The following GABRG3 variants were observed in gnomAD, a reference collection of about 807,000 sequenced individuals.
GABRG3 encodes gamma-aminobutyric acid receptor subunit gamma-3.
GABRG3 carries 25 observed loss-of-function variants against 48.8 expected under a neutral mutation model. The ratio of observed to expected loss-of-function variants is 0.51; its 90% CI spans 0.37 to 0.72. The LOEUF is 0.72. Among genes scored for constraint, GABRG3 ranks in the 30% least tolerant of loss-of-function variants. The probability of loss-of-function intolerance (pLI) is 0.00; values close to 1 mark genes in which losing one functional copy is unlikely to be tolerated. For synonymous variants in GABRG3, 227 were observed against 217.6 expected, an observed-to-expected ratio of 1.04 and a Z score of -0.38; for missense variants, 394 against 577.9, an observed-to-expected ratio of 0.68 and a Z score of 3.26.
At chr15:27,379,477 A>G (rs1895698730) in intron 5 of GABRG3, among the ~76,000 whole-genome samples, 1 of 152,242 alleles carries the variant, frequency 6.6e-6, no homozygotes, top group African/African-American at 2.4e-5. Flanking sequence ...TAAGAAAAAT[A>G]AAATATTTTA....
At chr15:27,249,315 C>T (rs1447881955) in intron 3 of GABRG3, among the ~76,000 whole-genome samples, 1 of 152,172 alleles carries the variant, frequency 6.6e-6, no homozygotes, top group African/African-American at 2.4e-5. Context: ...TCCCCTGTTC[C>T]TCACATGCAT....
At chr15:27,029,668 G>A (rs1482123198) in intron 3 of GABRG3, among the ~76,000 whole-genome samples, 1 of 152,166 alleles carries the variant, frequency 6.6e-6, no homozygotes, top group Non-Finnish European at 1.5e-5. Flanking sequence ...CATTGTCCTG[G>A]GTGAAGGTGA....
At chr15:27,517,685 G>A (rs2150861145) in intron 6 of GABRG3, among the ~76,000 whole-genome samples, 1 of 152,242 alleles carries the variant, frequency 6.6e-6, no homozygotes, top group African/African-American at 2.4e-5. Context: ...CTGTATGTTA[G>A]CTTGTTGGTT....
intron 3 of GABRG3, among the ~76,000 whole-genome samples, chr15:27,169,316 G>T (rs1171062720): frequency 6.6e-6 from 1 of 152,176 alleles, no homozygotes; most frequent in African/African-American, 2.4e-5. Flanking sequence ...TTGTACTTGG[G>T]AGTGGAAGAG....
chr15:27,299,814 G>A (rs976389909), intron 3 of GABRG3, among the ~76,000 whole-genome samples: 6 of 152,002 alleles, frequency 3.9e-5, no homozygotes, highest in Non-Finnish European at 7.4e-5. Flanking sequence ...ACAGAGAGGG[G>A]GTAACCAGAG....
chr15:27,328,251 G>T (rs949567239), intron 4 of GABRG3, among the ~76,000 whole-genome samples: 3 of 152,124 alleles, frequency 2.0e-5, no homozygotes, highest in Admixed American at 2.0e-4. Context: ...GACATGACAC[G>T]GAACTTCAGC....
chr15:27,080,989 A>G (rs80320997), intron 3 of GABRG3, among the ~76,000 whole-genome samples: 29,368 of 152,136 alleles, frequency 0.19, 2,925 homozygotes, highest in Middle Eastern at 0.25. Context: ...GAGAAGAGGC[A>G]GGCCACCCCA....
chr15:27,088,842 G>T (rs969674805), intron 3 of GABRG3, among the ~76,000 whole-genome samples: 1 of 152,162 alleles, frequency 6.6e-6, no homozygotes, highest in African/African-American at 2.4e-5. Context: ...CGAGGAAGCG[G>T]TGCTGCACTT....
intron 5 of GABRG3, among the ~76,000 whole-genome samples, chr15:27,453,666 A>G (rs1889176740): frequency 1.3e-5 from 2 of 152,152 alleles, no homozygotes; most frequent in African/African-American, 4.8e-5. Context: ...CAATGGCGCA[A>G]TCTTGGCTCA....
At chr15:26,978,381 T>G (rs1894991141) in intron 2 of GABRG3, among the ~76,000 whole-genome samples, 1 of 152,194 alleles carries the variant, frequency 6.6e-6, no homozygotes, top group Admixed American at 6.5e-5. Context: ...TTTAGAGTAT[T>G]GTCTAAGAAT....
chr15:27,209,087 C>A (rs771849277), intron 3 of GABRG3, among the ~76,000 whole-genome samples: 15 of 152,196 alleles, frequency 9.9e-5, no homozygotes, highest in Non-Finnish European at 1.6e-4. Flanking sequence ...GCACACCCAG[C>A]TCACCGTGGC....
At chr15:27,204,767 C>A (rs538599473) in intron 3 of GABRG3, among the ~76,000 whole-genome samples, 1 of 151,914 alleles carries the variant, frequency 6.6e-6, no homozygotes, top group African/African-American at 2.4e-5. Context: ...CCTTGTCTAG[C>A]TGTATTTCTA....
chr15:27,176,037 AAAAAAG>A (rs1019178494), intron 3 of GABRG3, among the ~76,000 whole-genome samples: 32 of 152,016 alleles, frequency 2.1e-4, no homozygotes, highest in African/African-American at 7.7e-4. Context: ...GGAAAAAAAA[AAAAAAG>A]AAAGAAAAAA....
chr15:27,106,697 G>A (rs548316338), intron 3 of GABRG3, among the ~76,000 whole-genome samples: 7 of 152,010 alleles, frequency 4.6e-5, no homozygotes, highest in South Asian at 2.1e-4. Flanking sequence ...AAAATAAAAG[G>A]AGAGATGATG....
At chr15:27,265,515 C>T (rs1185043991) in intron 3 of GABRG3, among the ~76,000 whole-genome samples, 1 of 152,154 alleles carries the variant, frequency 6.6e-6, no homozygotes, top group African/African-American at 2.4e-5. Context: ...GCAATAGAGA[C>T]AGGTGGAAGA....
intron 3 of GABRG3, among the ~76,000 whole-genome samples, chr15:27,096,250 A>G (rs893113531): frequency 2.0e-5 from 3 of 152,240 alleles, no homozygotes; most frequent in Admixed American, 2.0e-4. Flanking sequence ...CTCCAGGCTC[A>G]GCGCTGCTGA....
chr15:27,501,701 G>A (rs1767916575), intron 6 of GABRG3, among the ~76,000 whole-genome samples: 1 of 152,068 alleles, frequency 6.6e-6, no homozygotes, highest in African/African-American at 2.4e-5. Flanking sequence ...TCTTAGCCTG[G>A]CTCTCCTCAT....
intron 3 of GABRG3, among the ~76,000 whole-genome samples, chr15:27,155,141 T>G (rs1482588298): frequency 6.6e-6 from 1 of 152,180 alleles, no homozygotes; most frequent in Non-Finnish European, 1.5e-5. Context: ...CCACTGATTC[T>G]TTCCTCTTTC....
At chr15:27,029,211 T>A (rs1056580621) in intron 3 of GABRG3, among the ~76,000 whole-genome samples, 2 of 152,222 alleles carry the variant, frequency 1.3e-5, no homozygotes, top group African/African-American at 4.8e-5. Context: ...CCTGTGTGGC[T>A]GCCTGCTGCT....
Sources: gnomAD v4.1 joint callset for allele counts (sites outside exome capture counted in the v4.1 genomes callset) on GRCh38, gnomAD v4.1.1 for gene constraint, MANE v1.5 for transcripts, NCBI Gene and HGNC (gene_info 2026-07-23, HGNC 2026-07-21) for gene names.